Variants in ENPP2 observed in about 807,000 individuals in gnomAD.
The protein encoded by ENPP2 is autotaxin.
ENPP2 carries 51 observed loss-of-function variants against 120.2 expected under a neutral mutation model. The ratio of observed to expected loss-of-function variants is 0.42; its 90% CI spans 0.34 to 0.54. ENPP2 has a LOEUF of 0.54. ENPP2 is among the 20% of genes least tolerant of loss of function. The pLI is 0.04. For missense variants in ENPP2, 920 were observed against 1,066.5 expected (o/e 0.86, Z 1.91); for synonymous variants, 365 against 366.4 (o/e 1.00, Z 0.04).
At chr8:119,632,106 C>T (rs1816722848) in intron 2 of ENPP2, among the ~76,000 whole-genome samples, 1 of 152,150 alleles carries the variant, frequency 6.6e-6, no homozygotes, top group Non-Finnish European at 1.5e-5. Context: ...GAAAGATTAT[C>T]CGATTTGTTA....
chr8:119,590,515 G>A lies in ENPP2; in HGVS notation c.1197C>T (p.Asn399=). 1 of 1,595,654 alleles carries A rather than the reference G, an allele frequency of 6.3e-7. No individual in the cohort carries two copies. The highest frequency in any genetic ancestry group is 8.5e-7 in the Non-Finnish European group (1 of 1,171,598). Residue 399 remains asparagine (N), a synonymous_variant, in exon 13 of 25, where the codon AAC becomes AAT. Coordinates refer to ENST00000075322, the MANE Select transcript of ENPP2 (RefSeq NM_001040092.3). ...TLGRIRSKFS[N]NAKYDPKAII... ...TAAGAATCAACTTACATTTAGCATT[G>A]TTGCTAAATTTGGATCGAATTCTTC...
intron 1 of ENPP2, among the ~76,000 whole-genome samples, chr8:119,654,095 A>G (rs943112140): frequency 6.9e-6 from 1 of 144,554 alleles, no homozygotes; most frequent in African/African-American, 2.5e-5. Flanking sequence ...TGTGTTATAT[A>G]TCTATATAAC....
intron 1 of ENPP2, among the ~76,000 whole-genome samples, chr8:119,661,707 A>G (rs1351098180): frequency 6.6e-6 from 1 of 152,220 alleles, no homozygotes; most frequent in African/African-American, 2.4e-5. Flanking sequence ...CGTTGAAGAG[A>G]TATCTGCACT....
chr8:119,593,246 C>T (rs552197668), intron 12 of ENPP2, among the ~76,000 whole-genome samples: 1 of 152,276 alleles, frequency 6.6e-6, no homozygotes, highest in South Asian at 2.1e-4. Flanking sequence ...CAGGGCCTTC[C>T]GGTTTGGACC....
At chr8:119,620,567 T>C (rs1457851501) in intron 4 of ENPP2, among the ~76,000 whole-genome samples, 2 of 152,240 alleles carry the variant, frequency 1.3e-5, no homozygotes, top group Admixed American at 6.5e-5. Flanking sequence ...TGAAAAGGAC[T>C]TGATTTTGAA....
chr8:119,626,490 C>A, intron 3 of ENPP2, 75 bp downstream of exon 3: 2 of 1,268,670 alleles, frequency 1.6e-6, no homozygotes, highest in African/African-American at 3.3e-5. Context: ...AGGGTGGCCA[C>A]TCCAGGATGC....
At chr8:119,619,045 A>C (rs1454487652) in intron 5 of ENPP2, among the ~76,000 whole-genome samples, 199 bp downstream of exon 5, 2 of 152,128 alleles carry the variant, frequency 1.3e-5, no homozygotes, top group African/African-American at 2.4e-5. Flanking sequence ...ATTGGAGAAA[A>C]CTGGGGGGAA....
At chr8:119,650,662 G>A (rs1222881350) in intron 1 of ENPP2, among the ~76,000 whole-genome samples, 1 of 152,144 alleles carries the variant, frequency 6.6e-6, no homozygotes, top group Non-Finnish European at 1.5e-5. Context: ...ATTAACAGGA[G>A]GACTGATGCA....
intron 2 of ENPP2, among the ~76,000 whole-genome samples, 194 bp downstream of exon 2, chr8:119,638,231 T>G (rs1007287945): frequency 3.9e-5 from 6 of 152,238 alleles, no homozygotes; most frequent in African/African-American, 1.4e-4. Flanking sequence ...GAAACAATCA[T>G]AAATGTTCTC....
chr8:119,568,824 C>G (rs1341351000), intron 21 of ENPP2, among the ~76,000 whole-genome samples: 2 of 152,132 alleles, frequency 1.3e-5, no homozygotes, highest in Non-Finnish European at 2.9e-5. Flanking sequence ...ATCTCGAACT[C>G]CTGGACTCAA....
At chr8:119,593,291 G>C (rs1321173202) in intron 12 of ENPP2, among the ~76,000 whole-genome samples, 4 of 152,140 alleles carry the variant, frequency 2.6e-5, no homozygotes, top group Non-Finnish European at 5.9e-5. Flanking sequence ...GAAATGATTT[G>C]ACTTACACGC....
chr8:119,646,170 T>C (rs561294905), intron 1 of ENPP2, among the ~76,000 whole-genome samples: 16 of 151,956 alleles, frequency 1.1e-4, no homozygotes, highest in Non-Finnish European at 1.8e-4. Flanking sequence ...GGGGTTTCAC[T>C]GTGTTAGCCA....
At position 119,617,257 on chromosome 8, in the gene ENPP2, T is replaced by C; in HGVS notation, c.578-14A>G. 6.2e-7 allele frequency: 1 copy of C among 1,600,202 alleles called. No individual in the cohort carries two copies. Among genetic ancestry groups the C allele is most frequent in the Non-Finnish European group, 8.6e-7 (1 of 1,167,384 alleles). The stretch of plus-strand genomic sequence containing the variant: ...TGCCACAAGACCCTGGAAAGAGAAT[T>C]GCAAATATTAGAACAAGAGAACCAA... On this transcript the variant is annotated splice_polypyrimidine_tract_variant and intron_variant, in intron 6 of 24. Transcript: ENST00000075322.
At chr8:119,645,985 T>TG (rs1817435553) in intron 1 of ENPP2, among the ~76,000 whole-genome samples, 1 of 151,942 alleles carries the variant, frequency 6.6e-6, no homozygotes, top group Non-Finnish European at 1.5e-5. Context: ...TTTTTTTTTT[T>TG]GAGATGGAGT....
intron 1 of ENPP2, among the ~76,000 whole-genome samples, chr8:119,657,266 G>A (rs1817792362): frequency 6.6e-6 from 1 of 152,170 alleles, no homozygotes; most frequent in African/African-American, 2.4e-5. Context: ...GACGCAGAAA[G>A]ATGAAATAAT....
intron 1 of ENPP2, among the ~76,000 whole-genome samples, chr8:119,661,302 C>T (rs1200437261): frequency 6.6e-6 from 1 of 152,090 alleles, no homozygotes; most frequent in African/African-American, 2.4e-5. Context: ...CCTGCACGTT[C>T]AGCACAGATA....
chr8:119,667,776 G>A (rs80004092), intron 1 of ENPP2, among the ~76,000 whole-genome samples: 3,053 of 152,212 alleles, frequency 0.02, 104 homozygotes, highest in African/African-American at 0.069. Context: ...ACCCCAAACC[G>A]ATTATGACAC....
At chr8:119,582,689 G>T in intron 17 of ENPP2, 87 bp from the exon 18 acceptor site, 1 of 969,204 alleles carries the variant, frequency 1.0e-6, no homozygotes, top group Non-Finnish European at 1.6e-6. Flanking sequence ...ACCTTCTATG[G>T]GTCTGAAAAC....
At chr8:119,620,173 A>G (rs895099467) in intron 4 of ENPP2, among the ~76,000 whole-genome samples, 1 of 152,234 alleles carries the variant, frequency 6.6e-6, no homozygotes, top group African/African-American at 2.4e-5. Context: ...TGGGCCTCAC[A>G]AAAGTACTGA....
Sources: gnomAD v4.1 joint callset for allele counts (sites outside exome capture counted in the v4.1 genomes callset) on GRCh38, gnomAD v4.1.1 for gene constraint, MANE v1.5 for transcripts, NCBI Gene and HGNC (gene_info 2026-07-23, HGNC 2026-07-21) for gene names.